The following LEPR variants were observed in gnomAD, a reference collection of about 807,000 sequenced individuals.
The protein encoded by LEPR is OB receptor.
Under a neutral mutation model 114.7 loss-of-function variants are expected in LEPR, and 56 were observed. The observed-to-expected ratio is 0.49, with a 90% CI of 0.39 to 0.61. LEPR has a LOEUF of 0.61. Ranked by LOEUF, LEPR falls within the 20% of genes least tolerant of loss-of-function variation. The pLI is 0.00. For missense variants in LEPR, 1,202 were observed against 1,352.9 expected, an observed-to-expected ratio of 0.89 and a Z score of 1.75; for synonymous variants, 443 against 461.4, an observed-to-expected ratio of 0.96 and a Z score of 0.51.
chr1:65,628,812 A>C (rs1658362571), intron 19 of LEPR, among the ~76,000 whole-genome samples: 1 of 152,108 alleles, frequency 6.6e-6, no homozygotes, highest in Non-Finnish European at 1.5e-5. Flanking sequence ...CAATATTTAA[A>C]ATTTTTTGAA....
chr1:65,622,816 A>G, intron 18 of LEPR, 90 bp from the exon 19 acceptor site: 1 of 1,353,576 alleles, frequency 7.4e-7, no homozygotes, highest in South Asian at 1.2e-5. Context: ...GATCTGGTGG[A>G]CTAATTTCTA....
intron 2 of LEPR, among the ~76,000 whole-genome samples, chr1:65,540,263 A>T (rs1354172792): frequency 1.3e-5 from 2 of 152,112 alleles, no homozygotes; most frequent in Non-Finnish European, 2.9e-5. Flanking sequence ...TACCTTTGTT[A>T]TACCTCATTA....
rs1269128983 is a variant in LEPR, at chr1:65,623,037, A to G, written c.2673+56A>G. The G allele has an allele frequency of 3.3e-6, 5 of 1,519,950 alleles. No homozygotes were observed. The South Asian group carries it at 3.4e-5, about 10-fold the overall frequency. 94.2% of individuals were successfully genotyped at this position (1,519,950 alleles called of 1,614,324 possible). A position where few individuals can be genotyped will look rare whatever the true frequency, so the allele number is the denominator to read the frequency against. On this transcript the variant is annotated intron_variant, in intron 19 of 19. Transcript: ENST00000349533. ...TATATACGATTGCAATCTAGACGCC[A>G]TATGACTTATAGAGCATTAAGCATT... is the stretch of plus-strand genomic sequence containing the variant.
chr1:65,609,037 G>A (rs1033165762), intron 12 of LEPR, 136 bp downstream of exon 12: 5 of 1,186,672 alleles, frequency 4.2e-6, no homozygotes, highest in Non-Finnish European at 5.9e-6. Context: ...TCATTAAATA[G>A]ATTTATCTAA....
rs528116531 is a variant in LEPR at position 65,526,336 on chromosome 1, T to G, written c.-20-39210T>G. On this transcript the variant is annotated intron_variant, in intron 2 of 19. Transcript: ENST00000349533. ...AAATTAAACAACAACAGTAGCAGCA[T>G]CAGCAGCAAAACCCCAAACCCAATC... The G allele has an allele frequency of 3.7e-4, 362 of 985,376 alleles. 1 individual carries two copies. In the African/African-American group the frequency reaches 6.1e-3, roughly 17 times the overall value. The allele number at this position is 985,376 out of a possible 1,614,324, so 61.0% of individuals were successfully genotyped here.
chr1:65,547,723 G>T (rs199531001), intron 2 of LEPR, among the ~76,000 whole-genome samples: 90,537 of 133,502 alleles, frequency 0.68, 30,488 homozygotes, highest in Middle Eastern at 0.83. Context: ...TCTTGCTAGC[G>T]GTCTATCAAT....
intron 2 of LEPR, among the ~76,000 whole-genome samples, chr1:65,475,670 A>C (rs563322877): frequency 2.3e-4 from 35 of 152,246 alleles, no homozygotes; most frequent in African/African-American, 8.4e-4. Context: ...CATTAAAGGG[A>C]TCAATTTTGT....
At chr1:65,512,788 C>A (rs1175866564) in intron 2 of LEPR, among the ~76,000 whole-genome samples, 1 of 152,140 alleles carries the variant, frequency 6.6e-6, no homozygotes, top group African/African-American at 2.4e-5. Context: ...AGCCTGAATT[C>A]ATTGAGGCTG....
intron 2 of LEPR, among the ~76,000 whole-genome samples, chr1:65,549,359 T>C (rs1652083776): frequency 6.6e-6 from 1 of 152,048 alleles, no homozygotes; most frequent in African/African-American, 2.4e-5. Context: ...TTGGCCTGCC[T>C]TGCTAGATTG....
intron 5 of LEPR, among the ~76,000 whole-genome samples, chr1:65,579,706 T>C (rs1422487169): frequency 6.6e-6 from 1 of 152,222 alleles, no homozygotes; most frequent in African/African-American, 2.4e-5. Flanking sequence ...TAAGGCAAAA[T>C]GCTCAGTTTT....
chr1:65,535,397 G>A lies in LEPR; in HGVS notation c.-20-30149G>A, dbSNP rs915451087. On this transcript the variant is annotated intron_variant, in intron 2 of 19. Transcript: ENST00000349533. ...AAATATTTTTTTAAGACAGTGTCTC[G>A]CTCTATCACCCAGGCTGAAGTGCAG... 6.6e-5 allele frequency among the ~76,000 whole-genome samples: 10 copies of A among 151,236 alleles called. No homozygotes were observed. In the East Asian group the frequency reaches 1.6e-3, roughly 23 times the overall value.
chr1:65,579,296 G>T (rs761973082), intron 5 of LEPR, among the ~76,000 whole-genome samples: 14 of 152,128 alleles, frequency 9.2e-5, no homozygotes, highest in Non-Finnish European at 2.1e-4. Flanking sequence ...GTCCCAGGGT[G>T]GATAATTAAA....
chr1:65,472,496 G>T (rs1034273851), intron 2 of LEPR, among the ~76,000 whole-genome samples: 3 of 141,106 alleles, frequency 2.1e-5, no homozygotes, highest in Non-Finnish European at 4.5e-5. Flanking sequence ...TATAGCCATA[G>T]GTAAATGGTG....
intron 10 of LEPR, among the ~76,000 whole-genome samples, chr1:65,602,208 G>A (rs1191973409): frequency 6.6e-6 from 1 of 151,920 alleles, no homozygotes; most frequent in African/African-American, 2.4e-5. Flanking sequence ...AATCAATTCT[G>A]AAAAATTTGT....
At chr1:65,554,751 G>A (rs927402863) in intron 2 of LEPR, among the ~76,000 whole-genome samples, 33 of 151,290 alleles carry the variant, frequency 2.2e-4, no homozygotes, top group African/African-American at 7.8e-4. Flanking sequence ...AGGCACTGCT[G>A]GGGTATGAAA....
rs758132747 is a variant in LEPR at position 65,636,667 on chromosome 1, C to T, written c.3150C>T (p.His1050=). The change falls in exon 20 of 20, where the codon CAC becomes CAT. Residue 1050 remains histidine (H), a synonymous_variant. Transcript: ENST00000349533. The part of the protein sequence containing the change: ...SDQHPNIISP[H]LTFSEGLDEL... ...AGCATCCCAACATAATTTCACCACA[C>T]CTCACATTCTCAGAAGGATTGGATG... The T allele has an allele frequency of 6.2e-7, 1 of 1,609,800 alleles. No individual in the cohort carries two copies. The highest frequency in any genetic ancestry group is 1.3e-5 in the African/African-American group (1 of 74,822).
intron 2 of LEPR, among the ~76,000 whole-genome samples, chr1:65,503,410 G>A (rs979733765): frequency 6.6e-6 from 1 of 152,158 alleles, no homozygotes; most frequent in African/African-American, 2.4e-5. Context: ...TCACTGAAGG[G>A]ACTGGCAGAA....
At chr1:65,551,032 A>G (rs1652300620) in intron 2 of LEPR, among the ~76,000 whole-genome samples, 1 of 152,014 alleles carries the variant, frequency 6.6e-6, no homozygotes, top group South Asian at 2.1e-4. Context: ...TGATTTGTGT[A>G]TGTTGAAGCA....
At chr1:65,427,854 T>G in intron 2 of LEPR, 1 of 318,934 alleles carries the variant, frequency 3.1e-6, no homozygotes, top group Non-Finnish European at 6.4e-6. Flanking sequence ...TTGCTCAGGC[T>G]GGTCTTGAAC....
Sources: allele counts gnomAD v4.1 joint callset (sites outside exome capture counted in the v4.1 genomes callset), GRCh38; gene constraint gnomAD v4.1.1; transcripts MANE v1.5; gene names NCBI Gene and HGNC (gene_info 2026-07-23, HGNC 2026-07-21).